The following GFOD1 variants were observed in gnomAD, a reference collection of about 807,000 sequenced individuals.
The protein encoded by GFOD1 is glucose-fructose oxidoreductase domain-containing protein 1.
Under a neutral mutation model 25.4 loss-of-function variants are expected in GFOD1, and 9 were observed. The ratio of observed to expected loss-of-function variants is 0.35; its 90% CI spans 0.21 to 0.62. The LOEUF is 0.62. GFOD1 is among the 20% of genes least tolerant of loss of function. The probability of loss-of-function intolerance (pLI) is 0.72; values close to 1 mark genes in which losing one functional copy is unlikely to be tolerated. For missense variants in GFOD1, 403 were observed against 556.9 expected (o/e 0.72, Z 2.78); for synonymous variants, 253 against 245.6 (o/e 1.03, Z -0.28).
rs1758886840 is a variant in GFOD1 at position 13,486,969 on chromosome 6, C to T, written c.-79G>A. The stretch of plus-strand genomic sequence containing the variant: ...CGCACACACCCACCTCTAGCCAGTC[C>T]TGCACCCCGCTCCTGTAGCCAATCT... On this transcript the variant is annotated 5_prime_UTR_variant, in exon 1 of 2. Coordinates refer to ENST00000379287, the MANE Select transcript of GFOD1 (RefSeq NM_018988.4). 10 of 1,499,068 alleles carry T rather than the reference C, an allele frequency of 6.7e-6. No individual in the cohort carries two copies. Among genetic ancestry groups the T allele is most frequent in the Non-Finnish European group, 9.0e-6 (10 of 1,116,316 alleles). 92.9% of individuals were successfully genotyped at this position (1,499,068 alleles called of 1,614,324 possible).
intron 1 of GFOD1, among the ~76,000 whole-genome samples, chr6:13,477,321 GGGCAGGCAGGCA>G (rs1231007195): frequency 1.3e-5 from 2 of 151,604 alleles, no homozygotes; most frequent in African/African-American, 2.4e-5. Flanking sequence ...AAAATGTGCA[GGGCAGGCAGGCA>G]GGCAGACAGG....
intron 1 of GFOD1, among the ~76,000 whole-genome samples, chr6:13,463,351 A>C (rs1017231817): frequency 2.0e-5 from 3 of 152,236 alleles, no homozygotes; most frequent in Non-Finnish European, 2.9e-5. Flanking sequence ...CCATCACAGG[A>C]GCCACAAATT....
chr6:13,404,651 G>A (rs1785913058), intron 1 of GFOD1, among the ~76,000 whole-genome samples: 1 of 152,188 alleles, frequency 6.6e-6, no homozygotes, highest in Admixed American at 6.5e-5. Context: ...TGTTAGCCAC[G>A]TTCTTAGCAA....
intron 1 of GFOD1, among the ~76,000 whole-genome samples, chr6:13,387,312 A>C (rs185222101): frequency 1.9e-3 from 291 of 152,258 alleles, no homozygotes; most frequent in African/African-American, 6.6e-3. Context: ...GAGACACAAC[A>C]AAAAAAGAGA....
chr6:13,391,683 A>C (rs2127561381), intron 1 of GFOD1, among the ~76,000 whole-genome samples: 2 of 152,348 alleles, frequency 1.3e-5, no homozygotes, highest in East Asian at 3.9e-4. Flanking sequence ...GGCGAGCCAG[A>C]CCAAGGGCTG....
At position 13,364,832 on chromosome 6, in the gene GFOD1, T is replaced by C. The variant is rs1167260142; in HGVS notation, c.1084A>G (p.Ile362Val). 1 of 1,614,032 alleles carries C rather than the reference T, an allele frequency of 6.2e-7. No individual in the cohort carries two copies. The highest frequency in any genetic ancestry group is 1.1e-5 in the South Asian group (1 of 91,082). ...TCCGGCTCCTCGGTCATGATGGCAA[T>C]GTTCTGCCACTCGCCCGTCTGGCTG... ...RSSQTGEWQN[I>V]AIMTEEPELS... The change falls in exon 2 of 2, where the codon ATT becomes GTT. Residue 362 changes from isoleucine (I) to valine (V), a missense_variant. Ile to Val is a conservative substitution (Grantham distance 29). Coordinates refer to ENST00000379287, the MANE Select transcript of GFOD1 (RefSeq NM_018988.4). This position sits in a 1 kb window ranked among gnomAD's most constrained non-coding sequence, Gnocchi z 4.1.
In GFOD1 at chr6:13,395,873, C is replaced by T. The variant is rs75631947; in HGVS notation, c.254-30211G>A. Among the ~76,000 whole-genome samples the T allele has an allele frequency of 2.4e-3, 364 of 152,302 alleles. 3 individuals carry two copies. The highest frequency in any genetic ancestry group is 8.5e-3 in the African/African-American group (352 of 41,566). The stretch of plus-strand genomic sequence containing the variant: ...GGTCCCACTCAGGCCGTGGTAGCCC[C>T]AGTCCAGGGCACTGAGGCAATTCTA... On this transcript the variant is annotated intron_variant, in intron 1 of 1. Transcript: ENST00000379287.
At chr6:13,485,994 A>C (rs1584680648) in intron 1 of GFOD1, 1 of 981,136 alleles carries the variant, frequency 1.0e-6, no homozygotes, top group Non-Finnish European at 1.2e-6. Context: ...CCATCCAACC[A>C]CTCCCACCGT....
intron 1 of GFOD1, among the ~76,000 whole-genome samples, chr6:13,464,644 G>C (rs1310417066): frequency 6.6e-6 from 1 of 152,176 alleles, no homozygotes. Flanking sequence ...ATTTATATCA[G>C]TAGATACTAA....
intron 1 of GFOD1, among the ~76,000 whole-genome samples, chr6:13,476,939 A>G (rs1297728278): frequency 1.3e-5 from 2 of 152,158 alleles, no homozygotes; most frequent in Non-Finnish European, 2.9e-5. Context: ...TGTGGCTCTC[A>G]GTGGTGAGTG....
At chr6:13,423,891 T>C (rs920561977) in intron 1 of GFOD1, among the ~76,000 whole-genome samples, 3 of 152,202 alleles carry the variant, frequency 2.0e-5, no homozygotes, top group Non-Finnish European at 4.4e-5. Flanking sequence ...ACGGCTTTGC[T>C]CTTGCTGCCC....
chr6:13,452,184 C>T (rs1758109518), intron 1 of GFOD1, among the ~76,000 whole-genome samples: 1 of 152,114 alleles, frequency 6.6e-6, no homozygotes, highest in South Asian at 2.1e-4. Context: ...AAATGCAATG[C>T]CTGACCCGAG....
At chr6:13,443,989 G>C (rs1562220908) in intron 1 of GFOD1, among the ~76,000 whole-genome samples, 1 of 152,030 alleles carries the variant, frequency 6.6e-6, no homozygotes. Flanking sequence ...AAATATTTGG[G>C]ACCCAGCAAT....
intron 1 of GFOD1, among the ~76,000 whole-genome samples, chr6:13,429,411 G>A (rs1326470505): frequency 6.6e-6 from 1 of 152,230 alleles, no homozygotes; most frequent in Non-Finnish European, 1.5e-5. Context: ...ACTATTGAAT[G>A]CAATTGAATG....
In GFOD1 at chr6:13,362,335, A is replaced by T. The variant is rs1279551215; in HGVS notation, c.*2408T>A. 3.3e-5 allele frequency: 5 copies of T among 152,112 alleles called. No homozygotes were observed. In the East Asian group the frequency reaches 9.7e-4, roughly 29 times the overall value. The allele number at this position is 152,112 out of a possible 1,614,324, so 9.4% of individuals were successfully genotyped here. A position where few individuals can be genotyped will look rare whatever the true frequency, so the allele number is the denominator to read the frequency against. On this transcript the variant is annotated 3_prime_UTR_variant, in exon 2 of 2. Transcript: ENST00000379287. ...AAATTAGCCGGCTGTGGTGGCAGCC[A>T]CCCGTAGTCCCTGCTGCTCGGGAGG...
At chr6:13,462,707 T>C (rs964025427) in intron 1 of GFOD1, among the ~76,000 whole-genome samples, 1 of 152,212 alleles carries the variant, frequency 6.6e-6, no homozygotes, top group Admixed American at 6.5e-5. Context: ...TCATAGGTCT[T>C]TTCTAGTTCC....
At chr6:13,472,289 T>C (rs140049505) in intron 1 of GFOD1, among the ~76,000 whole-genome samples, 7 of 152,196 alleles carry the variant, frequency 4.6e-5, no homozygotes, top group Non-Finnish European at 7.3e-5. Flanking sequence ...TTTAGTTTTA[T>C]GTAAATTTAA....
Position 13,486,632 on chromosome 6 carries a change from G to T in GFOD1, c.253+6C>A. On this transcript the variant is annotated splice_donor_region_variant and intron_variant, in intron 1 of 1. Transcript: ENST00000379287. Reference sequence around the variant, plus strand: ...GGACGGAGGATGCGGGGTAGGGGTCGCTCACCTAGGGTTTTGACAGCGATC... The same window carrying T: ...GGACGGAGGATGCGGGGTAGGGGTCTCTCACCTAGGGTTTTGACAGCGATC... The T allele has an allele frequency of 1.2e-6, 2 of 1,613,226 alleles. No homozygotes were observed. Among genetic ancestry groups the T allele is most frequent in the Non-Finnish European group, 1.7e-6 (2 of 1,179,380 alleles).
In GFOD1 at chr6:13,464,861, C is replaced by CGT. The variant is rs36218477; in HGVS notation, c.253+21775_253+21776dup. 2.0e-3 allele frequency among the ~76,000 whole-genome samples: 290 copies of CGT among 146,862 alleles called. 1 individual carries two copies. Among genetic ancestry groups the CGT allele is most frequent in the African/African-American group, 7.0e-3 (272 of 39,092 alleles). On this transcript the variant is annotated intron_variant, in intron 1 of 1. Transcript: ENST00000379287. ...TCCCTGCACCCTCTCTTCCTCTTTC[C>CGT]GTGTGTGTGTGTGTGTGTGTGTGTG... is the stretch of plus-strand genomic sequence containing the variant.
Sources: allele counts gnomAD v4.1 joint callset (sites outside exome capture counted in the v4.1 genomes callset), GRCh38; gene constraint gnomAD v4.1.1; non-coding constraint Gnocchi (gnomAD v3.1); transcripts MANE v1.5; gene names NCBI Gene and HGNC (gene_info 2026-07-23, HGNC 2026-07-21).